Variants in ZMIZ1 observed in about 807,000 individuals in gnomAD.
ZMIZ1 encodes zinc finger MIZ-type containing 1.
In ZMIZ1, 17 loss-of-function variants were observed where a neutral mutation model predicts 113.9. The ratio of observed to expected loss-of-function variants is 0.15; its 90% confidence interval spans 0.10 to 0.22. The LOEUF (loss-of-function observed/expected upper bound fraction) is 0.22. Ranked by LOEUF, ZMIZ1 falls within the 10% of genes least tolerant of loss-of-function variation. ZMIZ1 has a pLI of 1.00. For missense variants in ZMIZ1, 1,059 were observed against 1,477.8 expected, an observed-to-expected ratio of 0.72 and a Z score of 4.65; for synonymous variants, 607 against 603.1, an observed-to-expected ratio of 1.01 and a Z score of -0.09.
chr10:79,133,540 C>T (rs1844863022), intron 2 of ZMIZ1, among the ~76,000 whole-genome samples: 1 of 152,206 alleles, frequency 6.6e-6, no homozygotes, highest in Non-Finnish European at 1.5e-5. Flanking sequence ...ATAAAAACAG[C>T]TGCTCCCAGC....
chr10:79,242,646 G>A (rs1849904564), intron 7 of ZMIZ1, among the ~76,000 whole-genome samples: 1 of 151,606 alleles, frequency 6.6e-6, no homozygotes, highest in Admixed American at 6.6e-5. Flanking sequence ...GCCCACTTGG[G>A]AGGATTCGCT....
chr10:79,132,359 C>G (rs1050602997), intron 2 of ZMIZ1, among the ~76,000 whole-genome samples: 1 of 152,140 alleles, frequency 6.6e-6, no homozygotes, highest in Non-Finnish European at 1.5e-5. Context: ...CCTTTTCGGC[C>G]GGGCTTTCTG....
intron 8 of ZMIZ1, among the ~76,000 whole-genome samples, chr10:79,282,249 C>T (rs1478535379): frequency 6.6e-6 from 1 of 152,234 alleles, no homozygotes; most frequent in East Asian, 1.9e-4. Flanking sequence ...AGTCCGTCAT[C>T]CTCCATAATT....
At chr10:79,277,538 C>T (rs1852376882) in intron 8 of ZMIZ1, among the ~76,000 whole-genome samples, 1 of 152,224 alleles carries the variant, frequency 6.6e-6, no homozygotes, top group Non-Finnish European at 1.5e-5. Context: ...TTGGTGGAGG[C>T]TGTTTTTCTT....
chr10:79,152,828 C>T (rs1845764701), intron 3 of ZMIZ1, among the ~76,000 whole-genome samples: 1 of 152,248 alleles, frequency 6.6e-6, no homozygotes, highest in Admixed American at 6.5e-5. Flanking sequence ...GTTCTTTGAT[C>T]TAAGCCAGTT....
intron 4 of ZMIZ1, among the ~76,000 whole-genome samples, chr10:79,165,938 C>T (rs1403540479): frequency 1.0e-4 from 1 of 9,856 alleles, no homozygotes; most frequent in Non-Finnish European, 2.4e-4. Context: ...GCCTCCAAGC[C>T]CCAGCTCAGC....
At chr10:79,125,750 G>C (rs375165410) in intron 2 of ZMIZ1, among the ~76,000 whole-genome samples, 5 of 152,192 alleles carry the variant, frequency 3.3e-5, no homozygotes, top group African/African-American at 1.2e-4. Flanking sequence ...CCTCTCTCTC[G>C]TGTTGGGAGG....
intron 3 of ZMIZ1, among the ~76,000 whole-genome samples, chr10:79,148,883 G>A (rs1017973225): frequency 1.3e-5 from 2 of 152,210 alleles, no homozygotes; most frequent in Non-Finnish European, 2.9e-5. Flanking sequence ...TCCCTCCCGG[G>A]CTTTCCTCCC....
At chr10:79,103,590 A>T (rs1293598402) in intron 1 of ZMIZ1, among the ~76,000 whole-genome samples, 2 of 148,316 alleles carry the variant, frequency 1.3e-5, no homozygotes, top group African/African-American at 5.0e-5. Flanking sequence ...GATCTAGGGG[A>T]GGGAGGGCAA....
intron 4 of ZMIZ1, among the ~76,000 whole-genome samples, chr10:79,200,923 A>G (rs112830088): frequency 0.029 from 4,470 of 152,034 alleles, 205 homozygotes; most frequent in African/African-American, 0.1. Flanking sequence ...ATACACACGT[A>G]CACACACACA....
intron 18 of ZMIZ1, among the ~76,000 whole-genome samples, chr10:79,303,168 C>T (rs1854446407): frequency 6.7e-6 from 1 of 149,840 alleles, no homozygotes; most frequent in Non-Finnish European, 1.5e-5. Flanking sequence ...CCAGCTTATG[C>T]TTAAACTCAG....
intron 1 of ZMIZ1, among the ~76,000 whole-genome samples, chr10:79,093,302 T>A (rs1843053957): frequency 1.5e-5 from 1 of 67,818 alleles, no homozygotes; most frequent in South Asian, 4.2e-4. Flanking sequence ...TATTTATTTA[T>A]TTATTTATTT....
chr10:79,146,759 C>T (rs1053706444), intron 3 of ZMIZ1, among the ~76,000 whole-genome samples: 7 of 152,184 alleles, frequency 4.6e-5, no homozygotes, highest in South Asian at 4.1e-4. Context: ...CTCCCGCTTC[C>T]GCCCCGACTC....
chr10:79,260,319 G>T (rs1438104834), intron 7 of ZMIZ1, among the ~76,000 whole-genome samples: 1 of 152,218 alleles, frequency 6.6e-6, no homozygotes, highest in African/African-American at 2.4e-5. Context: ...TTAAAAGCAG[G>T]TGGTGATAGG....
chr10:79,113,230 A>G (rs961473736), intron 1 of ZMIZ1, among the ~76,000 whole-genome samples: 1 of 152,222 alleles, frequency 6.6e-6, no homozygotes, highest in Admixed American at 6.5e-5. Flanking sequence ...GGTCCTTGGC[A>G]TGGCTCAGTG....
At chr10:79,100,775 A>G (rs1284216439) in intron 1 of ZMIZ1, among the ~76,000 whole-genome samples, 3 of 152,130 alleles carry the variant, frequency 2.0e-5, no homozygotes, top group African/African-American at 7.2e-5. Context: ...TGTGGCTGGT[A>G]GGGGGTGAGG....
intron 1 of ZMIZ1, among the ~76,000 whole-genome samples, chr10:79,114,480 T>TGTGTGTGTGTGTGTGC: frequency 8.6e-6 from 1 of 116,110 alleles, no homozygotes; most frequent in African/African-American, 3.6e-5. Flanking sequence ...TGTGTGTCTG[T>TGTGTGTGTGTGTGTGC]GTGTGTGTGT....
At chr10:79,308,640 C>T (rs1854897151) in intron 23 of ZMIZ1, among the ~76,000 whole-genome samples, 1 of 152,170 alleles carries the variant, frequency 6.6e-6, no homozygotes, top group South Asian at 2.1e-4. Flanking sequence ...CCCCAGGAGT[C>T]CAAGTCGGAA....
At chr10:79,087,922 G>A (rs1381657842) in intron 1 of ZMIZ1, among the ~76,000 whole-genome samples, 7 of 152,282 alleles carry the variant, frequency 4.6e-5, no homozygotes, top group African/African-American at 1.4e-4. Context: ...TGGCAGGATC[G>A]CAGCTACCTT....
Sources: gnomAD v4.1 joint callset for allele counts (sites outside exome capture counted in the v4.1 genomes callset) on GRCh38, gnomAD v4.1.1 for gene constraint, MANE v1.5 for transcripts, NCBI Gene and HGNC (gene_info 2026-07-23, HGNC 2026-07-21) for gene names.